ANK3: variants seen among roughly 807,000 people sequenced by gnomAD.
ANK3 encodes ankyrin 3.
ANK3 carries 57 observed loss-of-function variants against 370.9 expected under a neutral mutation model. The observed-to-expected ratio is 0.15, with a 90% CI of 0.12 to 0.19. The LOEUF (loss-of-function observed/expected upper bound fraction) is 0.19. Among genes scored for constraint, ANK3 ranks in the 10% least tolerant of loss-of-function variants. The probability of loss-of-function intolerance (pLI) is 1.00; values close to 1 mark genes in which losing one functional copy is unlikely to be tolerated. For missense variants in ANK3, 4,439 were observed against 5,302.1 expected (o/e 0.84, Z 5.06); for synonymous variants, 1,929 against 1,946.3 (o/e 0.99, Z 0.23).
At chr10:60,666,277 T>C (rs1172813034) in intron 1 of ANK3, among the ~76,000 whole-genome samples, 20 of 152,176 alleles carry the variant, frequency 1.3e-4, no homozygotes, top group Non-Finnish European at 7.3e-5. Context: ...AGACATTATG[T>C]AAAGTGAAAT....
chr10:60,285,529 C>A (rs71495634), intron 1 of ANK3, among the ~76,000 whole-genome samples: 1 of 147,110 alleles, frequency 6.8e-6, no homozygotes, highest in Non-Finnish European at 1.5e-5. Flanking sequence ...AATCTTCCCT[C>A]GAGCTTTTCT....
chr10:60,189,308 C>T (rs554587949), intron 16 of ANK3, among the ~76,000 whole-genome samples: 255 of 152,240 alleles, frequency 1.7e-3, no homozygotes, highest in African/African-American at 5.9e-3. Flanking sequence ...CCCTGGGCAA[C>T]ATAGGGAGAG....
intron 2 of ANK3, among the ~76,000 whole-genome samples, chr10:60,586,213 A>G (rs991728635): frequency 6.6e-6 from 1 of 152,180 alleles, no homozygotes; most frequent in African/African-American, 2.4e-5. Context: ...GTGAACGTGG[A>G]TGAAAATGGA....
At chr10:60,118,089 G>A (rs904742971) in intron 25 of ANK3, among the ~76,000 whole-genome samples, 1 of 152,136 alleles carries the variant, frequency 6.6e-6, no homozygotes, top group African/African-American at 2.4e-5. Flanking sequence ...CACATCATAC[G>A]AGTTATCAAA....
Position 60,105,900 on chromosome 10 carries a change from A to C in ANK3, c.3328+5T>G. The C allele has an allele frequency of 2.5e-6, 4 of 1,604,814 alleles. No individual in the cohort carries two copies. Among genetic ancestry groups the C allele is most frequent in the Non-Finnish European group, 3.4e-6 (4 of 1,176,546 alleles). ...TTTACAGAACCAAGGAGCCATCATT[A>C]TTACCTTCATCCATGCCATTAAGTA... is the stretch of plus-strand genomic sequence containing the variant. On this transcript the variant is annotated splice_donor_5th_base_variant and intron_variant, in intron 28 of 43. Coordinates refer to ENST00000280772, the MANE Select transcript of ANK3 (RefSeq NM_020987.5).
At chr10:60,643,500 A>ATATCTACCTATCTATCTATCTATCTATC (rs370999914) in intron 1 of ANK3, among the ~76,000 whole-genome samples, 3 of 146,716 alleles carry the variant, frequency 2.0e-5, no homozygotes, top group African/African-American at 5.0e-5. Context: ...ACTCCCCTTT[A>ATATCTACCTATCTATCTATCTATCTATC]TATCTATCTA....
At chr10:60,588,973 G>C (rs551083076) in intron 2 of ANK3, among the ~76,000 whole-genome samples, 1 of 151,658 alleles carries the variant, frequency 6.6e-6, no homozygotes, top group South Asian at 2.1e-4. Flanking sequence ...AGAAAGAGGA[G>C]GTCTGTTGAT....
intron 23 of ANK3, among the ~76,000 whole-genome samples, chr10:60,142,752 T>C (rs1320682345): frequency 6.6e-6 from 1 of 152,112 alleles, no homozygotes; most frequent in Admixed American, 6.6e-5. Context: ...CCTTATAACA[T>C]TAAGTAATTA....
intron 40 of ANK3, 133 bp from the exon 41 acceptor site, chr10:60,059,563 C>A: frequency 2.4e-6 from 3 of 1,238,840 alleles, no homozygotes; most frequent in Non-Finnish European, 3.5e-6. Context: ...TTGAGTTTCT[C>A]TTCCATCATC....
intron 1 of ANK3, among the ~76,000 whole-genome samples, chr10:60,303,206 A>G (rs1018471311): frequency 6.6e-6 from 1 of 152,202 alleles, no homozygotes; most frequent in Admixed American, 6.5e-5. Context: ...AAATTATTAA[A>G]TGAGACTACA....
chr10:60,496,989 A>G (rs886343850), intron 2 of ANK3, among the ~76,000 whole-genome samples: 1 of 152,180 alleles, frequency 6.6e-6, no homozygotes, highest in South Asian at 2.1e-4. Flanking sequence ...TGAATACAGT[A>G]TCAGTTTTAG....
At chr10:60,240,193 TACAC>T (rs1489747733) in intron 7 of ANK3, among the ~76,000 whole-genome samples, 1 of 130,682 alleles carries the variant, frequency 7.7e-6, no homozygotes, top group African/African-American at 3.1e-5. Context: ...CACATATATA[TACAC>T]ACACACATAT....
At chr10:60,729,317 T>C (rs1474814694) in intron 1 of ANK3, among the ~76,000 whole-genome samples, 1 of 152,154 alleles carries the variant, frequency 6.6e-6, no homozygotes, top group Admixed American at 6.5e-5. Flanking sequence ...TTGTAGAGCA[T>C]ATCCTCAGCA....
chr10:60,186,570 TA>T (rs1393796770), intron 17 of ANK3, 144 bp downstream of exon 17: 1 of 946,572 alleles, frequency 1.1e-6, no homozygotes, highest in Non-Finnish European at 1.7e-6. Context: ...TTTGCTCTGT[TA>T]AGTAACACTT....
At chr10:60,051,444 A>T in intron 42 of ANK3, 1 of 944,586 alleles carries the variant, frequency 1.1e-6, no homozygotes, top group Non-Finnish European at 1.3e-6. Flanking sequence ...ATAGTAGAGC[A>T]ATGCCACATA....
At chr10:60,246,842 C>T (rs980352200) in intron 7 of ANK3, among the ~76,000 whole-genome samples, 7 of 152,136 alleles carry the variant, frequency 4.6e-5, no homozygotes, top group Non-Finnish European at 5.9e-5. Context: ...TAAAGATTCC[C>T]ACACCTGCTT....
chr10:60,549,113 A>C (rs1481046115), intron 2 of ANK3, among the ~76,000 whole-genome samples: 1 of 149,854 alleles, frequency 6.7e-6, no homozygotes, highest in Non-Finnish European at 1.5e-5. Flanking sequence ...ATTGCTACAC[A>C]AATGAGTGAG....
intron 5 of ANK3, 145 bp from the exon 6 acceptor site, chr10:60,264,165 A>G (rs937695302): frequency 3.2e-6 from 2 of 630,774 alleles, no homozygotes; most frequent in Non-Finnish European, 5.2e-6. Context: ...ATGGACAGAA[A>G]TGTGAAAGAT....
At chr10:60,463,140 G>A (rs1475339230) in intron 2 of ANK3, among the ~76,000 whole-genome samples, 1 of 152,174 alleles carries the variant, frequency 6.6e-6, no homozygotes, top group African/African-American at 2.4e-5. Context: ...CTGGTATCCA[G>A]TGATCCATGC....
Sources: gnomAD v4.1 joint callset for allele counts (sites outside exome capture counted in the v4.1 genomes callset) on GRCh38, gnomAD v4.1.1 for gene constraint, MANE v1.5 for transcripts, NCBI Gene and HGNC (gene_info 2026-07-23, HGNC 2026-07-21) for gene names.